Variants in AKAP19 observed in about 807,000 individuals in gnomAD.
AKAP19 encodes A-kinase anchoring protein 19.
chr2:190,199,960 TGTCTACCTAG>T, the AKAP19 span: 1 of 1,614,104 alleles, frequency 6.2e-7, no homozygotes, highest in Non-Finnish European at 8.5e-7. Flanking sequence ...AGAAGAGAGA[TGTCTACCTAG>T]GATGGCTTCT....
the AKAP19 span, among the ~76,000 whole-genome samples, chr2:189,927,883 G>A: frequency 7.9e-5 from 12 of 152,186 alleles, 1 homozygote; most frequent in East Asian, 1.5e-3. Flanking sequence ...TATTGTATTG[G>A]AGAGCATAGA....
the AKAP19 span, among the ~76,000 whole-genome samples, chr2:189,948,136 A>G: frequency 6.6e-6 from 1 of 152,316 alleles, no homozygotes; most frequent in African/African-American, 2.4e-5. Context: ...CTTAATTTCT[A>G]TATGTTGGGA....
the AKAP19 span, among the ~76,000 whole-genome samples, chr2:190,115,224 G>A: frequency 1.1e-5 from 1 of 95,216 alleles, no homozygotes; most frequent in Non-Finnish European, 2.0e-5. Flanking sequence ...AGAAGGAGAA[G>A]TAGAAAGGAG....
At chr2:189,910,404 C>T in the AKAP19 span, among the ~76,000 whole-genome samples, 1 of 151,972 alleles carries the variant, frequency 6.6e-6, no homozygotes, top group African/African-American at 2.4e-5. Context: ...TCTTGATTCA[C>T]AGATAGCAGT....
chr2:190,022,407 A>G, the AKAP19 span, among the ~76,000 whole-genome samples: 1 of 152,328 alleles, frequency 6.6e-6, no homozygotes, highest in African/African-American at 2.4e-5. Flanking sequence ...CAAATATCCC[A>G]GGAGTAAATG....
the AKAP19 span, among the ~76,000 whole-genome samples, chr2:189,916,275 T>C: frequency 0.031 from 4,676 of 151,738 alleles, 246 homozygotes; most frequent in African/African-American, 0.11. Context: ...CATTGATCCC[T>C]CATATATTAT....
the AKAP19 span, among the ~76,000 whole-genome samples, chr2:190,014,285 G>A: frequency 6.6e-6 from 1 of 152,166 alleles, no homozygotes; most frequent in African/African-American, 2.4e-5. Context: ...CACATGGCAG[G>A]GGAGACCTCA....
At chr2:190,115,383 A>G in the AKAP19 span, among the ~76,000 whole-genome samples, 16 of 106,338 alleles carry the variant, frequency 1.5e-4, no homozygotes, top group East Asian at 2.9e-4. Context: ...GCAGTGGCGC[A>G]ATCTCGGCTC....
the AKAP19 span, among the ~76,000 whole-genome samples, chr2:190,197,537 T>A: frequency 6.6e-6 from 1 of 152,184 alleles, no homozygotes; most frequent in African/African-American, 2.4e-5. The surrounding 1 kb of genome is among the most constrained non-coding windows in gnomAD (Gnocchi z 4.0). Flanking sequence ...CCAGCTGTTT[T>A]AGTAACCCTA....
At chr2:189,895,417 A>T in the AKAP19 span, among the ~76,000 whole-genome samples, 2 of 152,148 alleles carry the variant, frequency 1.3e-5, no homozygotes, top group African/African-American at 4.8e-5. Flanking sequence ...AAGTATTGTG[A>T]CTTTTCTTAT....
the AKAP19 span, among the ~76,000 whole-genome samples, chr2:190,076,024 C>G: frequency 6.6e-6 from 1 of 152,024 alleles, no homozygotes; most frequent in Non-Finnish European, 1.5e-5. Flanking sequence ...TGATATTTTA[C>G]TGCTTCGTGT....
At chr2:190,138,697 A>C in the AKAP19 span, among the ~76,000 whole-genome samples, 1 of 152,140 alleles carries the variant, frequency 6.6e-6, no homozygotes, top group East Asian at 1.9e-4. Context: ...TTGAAACCCC[A>C]AGGAGCTTAC....
At chr2:189,975,803 G>T in the AKAP19 span, among the ~76,000 whole-genome samples, 1 of 152,098 alleles carries the variant, frequency 6.6e-6, no homozygotes, top group African/African-American at 2.4e-5. Flanking sequence ...CATTCGTCAA[G>T]TAGTTCTCGT....
the AKAP19 span, chr2:190,062,431 T>G: frequency 1.9e-6 from 3 of 1,613,524 alleles, no homozygotes; most frequent in Non-Finnish European, 2.5e-6. Context: ...TGTATCTTAA[T>G]GGCTTCTATT....
chr2:189,960,604 A>G, the AKAP19 span, among the ~76,000 whole-genome samples: 1 of 152,194 alleles, frequency 6.6e-6, no homozygotes, highest in Non-Finnish European at 1.5e-5. Context: ...CTTTTCTCAG[A>G]TAAGAGGATA....
At chr2:189,995,788 C>A in the AKAP19 span, among the ~76,000 whole-genome samples, 3 of 151,632 alleles carry the variant, frequency 2.0e-5, no homozygotes, top group Non-Finnish European at 4.4e-5. Context: ...ATATAGAACT[C>A]CTTTTAGCAT....
the AKAP19 span, among the ~76,000 whole-genome samples, chr2:190,183,580 A>G: frequency 1.3e-5 from 2 of 152,266 alleles, no homozygotes; most frequent in African/African-American, 4.8e-5. Context: ...ATGTCAAACT[A>G]TTAGTCTGTA....
the AKAP19 span, among the ~76,000 whole-genome samples, chr2:190,047,082 G>A: frequency 2.0e-5 from 3 of 152,098 alleles, no homozygotes; most frequent in Non-Finnish European, 2.9e-5. Flanking sequence ...TTCACTGACA[G>A]TATCAAGTAC....
chr2:189,898,921 G>A, the AKAP19 span, among the ~76,000 whole-genome samples: 15 of 152,226 alleles, frequency 9.9e-5, no homozygotes, highest in Admixed American at 3.3e-4. Flanking sequence ...GATATATCAA[G>A]CACTTTATAG....
Sources: gnomAD v4.1 joint callset for allele counts (sites outside exome capture counted in the v4.1 genomes callset) on GRCh38, gnomAD v4.1.1 for gene constraint, Gnocchi (gnomAD v3.1) non-coding constraint, MANE v1.5 for transcripts, NCBI Gene and HGNC (gene_info 2026-07-23, HGNC 2026-07-21) for gene names.